The following ITIH5 variants were observed in gnomAD, a reference collection of about 807,000 sequenced individuals.
ITIH5 encodes the protein inter-alpha-trypsin inhibitor heavy chain H5.
In ITIH5, 65 loss-of-function variants were observed where a neutral mutation model predicts 77.5. The observed-to-expected ratio is 0.84, with a 90% CI of 0.69 to 1.03. ITIH5 has a LOEUF of 1.03. ITIH5 is among the 50% of genes least tolerant of loss of function. ITIH5 has a pLI of 0.00. For synonymous variants in ITIH5, 525 were observed against 494.3 expected (o/e 1.06, Z -0.82); for missense variants, 1,208 against 1,213.1 (o/e 1.00, Z 0.06).
In ITIH5 at chr10:7,666,862, G is replaced by C. The variant is rs370741910; in HGVS notation, c.31C>G (p.Leu11Val). The change falls in exon 1 of 14, where the codon CTG becomes GTG. Residue 11 changes from leucine (L) to valine (V), a missense_variant. Transcript: ENST00000397146. The part of the protein sequence containing the change: MLLLLGLCLG[L>V]SLCVGSQEEA... ...TCCTGCGACCCCACACACAGGGACA[G>C]CCCCAGGCACAGCCCCAGCAGCAGG... 5 of 1,603,400 alleles carry C rather than the reference G, an allele frequency of 3.1e-6. No individual in the cohort carries two copies. In the South Asian group the frequency reaches 4.5e-5, roughly 14 times the overall value.
chr10:7,566,983 C>A (rs926554678), intron 12 of ITIH5, among the ~76,000 whole-genome samples: 1 of 151,816 alleles, frequency 6.6e-6, no homozygotes, highest in Non-Finnish European at 1.5e-5. Context: ...CTCCTTTGGG[C>A]TTATCTTTGT....
intron 7 of ITIH5, among the ~76,000 whole-genome samples, chr10:7,612,173 G>C (rs188714132): frequency 1.3e-3 from 201 of 152,272 alleles, no homozygotes; most frequent in African/African-American, 4.7e-3. Flanking sequence ...CAGTCATCCC[G>C]ATGGGGTTTA....
intron 5 of ITIH5, 89 bp downstream of exon 5, chr10:7,637,139 G>A: frequency 6.9e-7 from 1 of 1,456,300 alleles, no homozygotes; most frequent in Non-Finnish European, 9.3e-7. Context: ...TGAAGGGAAG[G>A]GTGCCATCTC....
At chr10:7,572,298 G>C (rs1452273348) in intron 11 of ITIH5, 1 of 1,365,930 alleles carries the variant, frequency 7.3e-7, no homozygotes, top group Non-Finnish European at 9.8e-7. Context: ...CCAGTCATAG[G>C]TTGTTCTTTC....
At chr10:7,641,377 G>C (rs899269250) in intron 3 of ITIH5, among the ~76,000 whole-genome samples, 1 of 151,940 alleles carries the variant, frequency 6.6e-6, no homozygotes, top group Non-Finnish European at 1.5e-5. Flanking sequence ...ATTTGCAACT[G>C]TCTGAAATTC....
intron 5 of ITIH5, among the ~76,000 whole-genome samples, chr10:7,623,963 C>G (rs1833516861): frequency 6.6e-6 from 1 of 152,128 alleles, no homozygotes; most frequent in Non-Finnish European, 1.5e-5. Context: ...GCACAGAATA[C>G]TAATTCAAAT....
rs1440498502 is a variant in ITIH5, at chr10:7,572,407, A to G, written c.2032+735T>C. The stretch of plus-strand genomic sequence containing the variant: ...CCTTCTGAAGCCACGAACTGAAAAA[A>G]ATGAAAACAAAAACAAAGCCTGCCT... On this transcript the variant is annotated intron_variant, in intron 11 of 13. Transcript: ENST00000397146. 4 of 1,363,362 alleles carry G rather than the reference A, an allele frequency of 2.9e-6. No individual in the cohort carries two copies. In the Admixed American group the frequency reaches 7.7e-5, roughly 26 times the overall value. The allele number at this position is 1,363,362 out of a possible 1,614,324, so 84.5% of individuals were successfully genotyped here.
intron 5 of ITIH5, among the ~76,000 whole-genome samples, chr10:7,623,132 C>T (rs1248236092): frequency 1.4e-5 from 2 of 140,988 alleles, no homozygotes; most frequent in African/African-American, 6.5e-5. Flanking sequence ...CTCACAGCCA[C>T]GGGCTGGAAG....
chr10:7,598,381 A>G (rs901814391), intron 7 of ITIH5, among the ~76,000 whole-genome samples: 6 of 152,226 alleles, frequency 3.9e-5, no homozygotes, highest in African/African-American at 1.4e-4. Context: ...ATAAAATGGA[A>G]AATTTGGGAT....
At chr10:7,569,006 T>C (rs1355461849) in intron 12 of ITIH5, among the ~76,000 whole-genome samples, 15 of 118,322 alleles carry the variant, frequency 1.3e-4, no homozygotes, top group African/African-American at 4.5e-4. Flanking sequence ...CTTTTTTTCT[T>C]TTTCTTTTTT....
intron 1 of ITIH5, among the ~76,000 whole-genome samples, chr10:7,663,631 C>T (rs1834315097): frequency 6.6e-6 from 1 of 152,120 alleles, no homozygotes; most frequent in Non-Finnish European, 1.5e-5. Context: ...TCAAGAGGGT[C>T]CTGCAAATTG....
Position 7,579,852 on chromosome 10 carries a change from C to T in ITIH5, c.1321G>A (p.Asp441Asn), listed in dbSNP as rs1449694591. The T allele has an allele frequency of 5.6e-6, 9 of 1,614,086 alleles. No individual in the cohort carries two copies. Among genetic ancestry groups the T allele is most frequent in the African/African-American group, 2.7e-5 (2 of 74,934 alleles). The change falls in exon 9 of 14, where the codon GAC becomes AAC. Residue 441 changes from aspartate to asparagine, a missense_variant. By Grantham distance (23) the Asp-to-Asn change is conservative (BLOSUM62 1). Coordinates refer to ENST00000397146, the MANE Select transcript of ITIH5 (RefSeq NM_030569.7). ...VCIFTIGIGN[D>N]VDFRLLEKLS... is the part of the protein sequence containing the mutation. ...TTCTCCAGCAGCCTGAAGTCCACGT[C>T]GTTGCCGATGCCAATGGTGAAGATG...
At chr10:7,642,483 G>A (rs117921502) in intron 2 of ITIH5, among the ~76,000 whole-genome samples, 8 of 152,054 alleles carry the variant, frequency 5.3e-5, no homozygotes, top group Non-Finnish European at 8.8e-5. Flanking sequence ...CAGGACTACC[G>A]AAATGTTCCA....
chr10:7,583,541 C>T (rs35698231), intron 8 of ITIH5, among the ~76,000 whole-genome samples: 45,342 of 151,882 alleles, frequency 0.3, 7,245 homozygotes, highest in East Asian at 0.49. Flanking sequence ...ACCATGTTGC[C>T]CAGGCTGGTC....
chr10:7,644,708 C>CAT (rs1333775899), intron 2 of ITIH5, among the ~76,000 whole-genome samples: 31 of 134,622 alleles, frequency 2.3e-4, no homozygotes, highest in African/African-American at 8.9e-4. Flanking sequence ...ATCTATATCA[C>CAT]ATATATATCA....
At chr10:7,618,710 C>G (rs887200741) in intron 5 of ITIH5, 2 of 152,180 alleles carry the variant, frequency 1.3e-5, no homozygotes, top group African/African-American at 4.8e-5. Context: ...ATAGGCTGAC[C>G]AGCCATTTCC....
chr10:7,580,769 T>C (rs1279376381), intron 8 of ITIH5, among the ~76,000 whole-genome samples: 1 of 152,166 alleles, frequency 6.6e-6, no homozygotes, highest in Non-Finnish European at 1.5e-5. Flanking sequence ...CTCAGATGCC[T>C]TCCAGTGTTG....
intron 7 of ITIH5, among the ~76,000 whole-genome samples, chr10:7,593,376 A>C (rs34535011): frequency 0.2 from 13,475 of 67,924 alleles, 446 homozygotes; most frequent in African/African-American, 0.3. Flanking sequence ...ACCCCTGCAG[A>C]CTGCAGCCAC....
chr10:7,644,527 T>TC (rs370223020), intron 2 of ITIH5, among the ~76,000 whole-genome samples: 1 of 123,362 alleles, frequency 8.1e-6, no homozygotes, highest in Non-Finnish European at 1.7e-5. Context: ...ATCACATATA[T>TC]ATGATATATC....
Sources: gnomAD v4.1 joint callset for allele counts (sites outside exome capture counted in the v4.1 genomes callset) on GRCh38, gnomAD v4.1.1 for gene constraint, MANE v1.5 for transcripts, NCBI Gene and HGNC (gene_info 2026-07-23, HGNC 2026-07-21) for gene names.